The following MAGI1 variants were observed in gnomAD, a reference collection of about 807,000 sequenced individuals.
MAGI1 encodes membrane associated guanylate kinase, WW and PDZ domain containing 1.
A neutral mutation model predicts 139.9 loss-of-function variants in MAGI1; 58 were observed. The observed-to-expected ratio is 0.41, with a 90% CI of 0.34 to 0.52. The LOEUF is 0.52. Among genes scored for constraint, MAGI1 ranks in the 20% least tolerant of loss-of-function variants. MAGI1 has a pLI of 0.12. For missense variants in MAGI1, 1,874 were observed against 1,901.6 expected (o/e 0.99, Z 0.27); for synonymous variants, 812 against 737.9 (o/e 1.10, Z -1.63).
intron 1 of MAGI1, among the ~76,000 whole-genome samples, chr3:65,636,417 C>A (rs1039279652): frequency 6.6e-6 from 1 of 152,170 alleles, no homozygotes; most frequent in African/African-American, 2.4e-5. Flanking sequence ...CATTCCACCT[C>A]ACTGTAGTCT....
intron 2 of MAGI1, among the ~76,000 whole-genome samples, chr3:65,585,855 T>C (rs1380631646): frequency 6.6e-6 from 1 of 152,160 alleles, no homozygotes; most frequent in Non-Finnish European, 1.5e-5. Flanking sequence ...ACACATACTA[T>C]AGTATATTCA....
At chr3:65,566,713 T>C (rs1002531449) in intron 2 of MAGI1, among the ~76,000 whole-genome samples, 6 of 152,186 alleles carry the variant, frequency 3.9e-5, no homozygotes, top group Admixed American at 2.6e-4. Flanking sequence ...CAAAAGACAA[T>C]ATATTTTTAA....
At chr3:65,614,496 T>G (rs1267014675) in intron 2 of MAGI1, among the ~76,000 whole-genome samples, 1 of 152,170 alleles carries the variant, frequency 6.6e-6, no homozygotes, top group Admixed American at 6.5e-5. Context: ...AAGGAAATAA[T>G]GTAAGTAATG....
chr3:65,961,930 G>A (rs954401727), intron 1 of MAGI1, among the ~76,000 whole-genome samples: 1 of 152,062 alleles, frequency 6.6e-6, no homozygotes, highest in Admixed American at 6.6e-5. Flanking sequence ...TAAGAGTCTG[G>A]GAGCCACCTG....
intron 2 of MAGI1, among the ~76,000 whole-genome samples, chr3:65,502,094 G>A (rs1454580556): frequency 1.3e-5 from 2 of 152,198 alleles, no homozygotes; most frequent in Non-Finnish European, 2.9e-5. Flanking sequence ...TGCGGTGGTG[G>A]TTGCACGACT....
chr3:65,709,221 C>T (rs751773084), intron 1 of MAGI1, among the ~76,000 whole-genome samples: 23 of 152,104 alleles, frequency 1.5e-4, no homozygotes, highest in East Asian at 1.9e-4. Context: ...AAAGGGGCAA[C>T]GAGAAAATAT....
At chr3:65,433,034 C>A (rs1947579213) in intron 10 of MAGI1, among the ~76,000 whole-genome samples, 1 of 152,188 alleles carries the variant, frequency 6.6e-6, no homozygotes, top group Non-Finnish European at 1.5e-5. Context: ...TTACTATCCC[C>A]AACTCCCATG....
intron 2 of MAGI1, among the ~76,000 whole-genome samples, chr3:65,561,419 C>T (rs537388786): frequency 5.9e-5 from 9 of 152,098 alleles, no homozygotes; most frequent in Middle Eastern, 3.4e-3. Context: ...CCTTAAGGAA[C>T]GAAACCCACC....
In MAGI1 at chr3:65,648,759, T is replaced by C. The variant is rs536315927; in HGVS notation, c.314-26671A>G. Among the ~76,000 whole-genome samples, 30 of 152,260 alleles carry C rather than the reference T, an allele frequency of 2.0e-4. No individual in the cohort carries two copies. The South Asian group carries it at 5.6e-3, about 28-fold the overall frequency. On this transcript the variant is annotated intron_variant, in intron 1 of 22. Coordinates refer to ENST00000402939, the MANE Select transcript of MAGI1 (RefSeq NM_001033057.2). Reference sequence around the variant, plus strand: ...GCAAACAAACTGGAATAGTAAAAAATTTTGAAACTGAAGAATAAAGATCAG... The same window carrying C: ...GCAAACAAACTGGAATAGTAAAAAACTTTGAAACTGAAGAATAAAGATCAG...
intron 4 of MAGI1, among the ~76,000 whole-genome samples, chr3:65,476,866 T>C (rs1159235190): frequency 2.0e-5 from 3 of 152,182 alleles, no homozygotes; most frequent in African/African-American, 7.2e-5. Context: ...GATTCCTAAA[T>C]GAATGAAAAC....
Position 65,945,440 on chromosome 3 carries a change from T to C in MAGI1, c.313+92556A>G, listed in dbSNP as rs1468927104. ...CTTAATGGGTATGTAGTATCTGCTG[T>C]GAAAGCAAACTAAGTATAGCCTGAG... On this transcript the variant is annotated intron_variant, in intron 1 of 22. Transcript: ENST00000402939. Among the ~76,000 whole-genome samples, 3 of 152,334 alleles carry C rather than the reference T, an allele frequency of 2.0e-5. No homozygotes were observed. The East Asian group carries it at 5.8e-4, about 29-fold the overall frequency.
At chr3:65,733,514 G>C (rs1161511633) in intron 1 of MAGI1, among the ~76,000 whole-genome samples, 1 of 152,152 alleles carries the variant, frequency 6.6e-6, no homozygotes, top group African/African-American at 2.4e-5. Flanking sequence ...TCTGCTCTAA[G>C]ATTATCTGTC....
At chr3:65,611,532 ACT>A (rs2106943787) in intron 2 of MAGI1, among the ~76,000 whole-genome samples, 1 of 145,638 alleles carries the variant, frequency 6.9e-6, no homozygotes, top group Admixed American at 7.0e-5. Flanking sequence ...CAGATAGAAT[ACT>A]CTATATATAC....
At chr3:65,543,055 GA>G (rs915941095) in intron 2 of MAGI1, among the ~76,000 whole-genome samples, 3 of 144,548 alleles carry the variant, frequency 2.1e-5, no homozygotes, top group African/African-American at 7.6e-5. Context: ...AAATTTATAA[GA>G]AAAAAAAAAC....
intron 1 of MAGI1, among the ~76,000 whole-genome samples, chr3:65,817,934 T>C (rs1342592912): frequency 6.6e-6 from 1 of 152,140 alleles, no homozygotes; most frequent in Non-Finnish European, 1.5e-5. Flanking sequence ...AAACAGTCAA[T>C]TCCAAAGCAA....
chr3:65,802,798 A>G (rs767427267), intron 1 of MAGI1, among the ~76,000 whole-genome samples: 2 of 150,982 alleles, frequency 1.3e-5, no homozygotes, highest in African/African-American at 2.4e-5. Context: ...TTTTCCTTCC[A>G]TGGTGACTTC....
chr3:65,557,284 T>C (rs776898170), intron 2 of MAGI1, among the ~76,000 whole-genome samples: 1 of 152,164 alleles, frequency 6.6e-6, no homozygotes, highest in Non-Finnish European at 1.5e-5. Flanking sequence ...CCTCTTGGAG[T>C]ATTCACTTTA....
intron 1 of MAGI1, among the ~76,000 whole-genome samples, chr3:65,950,913 C>T (rs531645472): frequency 1.4e-5 from 2 of 147,752 alleles, no homozygotes; most frequent in Admixed American, 1.4e-4. Context: ...TGTCTTGGAC[C>T]GCACATAAAA....
At position 65,611,023 on chromosome 3, in the gene MAGI1, G is replaced by A. The variant is rs900821271; in HGVS notation, c.430+10949C>T. ...ATATACATATATACATACATATAGT[G>A]TGTATATAGTATATATACTATATAC... is the stretch of plus-strand genomic sequence containing the variant. On this transcript the variant is annotated intron_variant, in intron 2 of 22. Transcript: ENST00000402939. Among the ~76,000 whole-genome samples, 27 of 127,166 alleles carry A rather than the reference G, an allele frequency of 2.1e-4. 1 individual carries two copies. The South Asian group carries it at 3.9e-3, about 18-fold the overall frequency. 83.4% of individuals were successfully genotyped at this position (127,166 alleles called of 152,430 possible).
Sources: gnomAD v4.1 joint callset for allele counts (sites outside exome capture counted in the v4.1 genomes callset) on GRCh38, gnomAD v4.1.1 for gene constraint, MANE v1.5 for transcripts, NCBI Gene and HGNC (gene_info 2026-07-23, HGNC 2026-07-21) for gene names.